ENOSF1: variants seen among roughly 807,000 people sequenced by gnomAD.
ENOSF1 encodes enolase superfamily member 1.
A neutral mutation model predicts 68.2 loss-of-function variants in ENOSF1; 73 were observed. That is an observed-to-expected ratio of 1.07 (90% CI 0.89 to 1.30). The LOEUF (loss-of-function observed/expected upper bound fraction) is 1.30. ENOSF1 is among the 50% of genes most tolerant of loss of function. The pLI is 0.00. For missense variants in ENOSF1, 589 were observed against 554.5 expected (o/e 1.06, Z -0.62); for synonymous variants, 223 against 210.4 (o/e 1.06, Z -0.52).
Position 691,395 on chromosome 18 carries a change from G to A in ENOSF1, c.424-119C>T. ...AGGTCTCACTCTGTTGCCCAGGCTGGAGTGCAGTGATGCCATCATAGCTCA... is the reference window on the plus strand; with the variant it reads ...AGGTCTCACTCTGTTGCCCAGGCTGAAGTGCAGTGATGCCATCATAGCTCA... On this transcript the variant is annotated intron_variant, in intron 5 of 15. Transcript: ENST00000647584. 3 of 784,230 alleles carry A rather than the reference G, an allele frequency of 3.8e-6. No individual in the cohort carries two copies. The South Asian group carries it at 5.4e-5, about 14-fold the overall frequency. The allele number at this position is 784,230 out of a possible 1,614,324, so 48.6% of individuals were successfully genotyped here. A position where few individuals can be genotyped will look rare whatever the true frequency, so the allele number is the denominator to read the frequency against.
At chr18:669,758 C>T, downstream of ENOSF1, among the ~76,000 whole-genome samples, 1 of 148,672 alleles carries the variant, frequency 6.7e-6, no homozygotes, top group South Asian at 2.1e-4. Context: ...AGCTCGCTGC[C>T]ACCTCACTAA....
At position 693,910 on chromosome 18, in the gene ENOSF1, T is replaced by A; in HGVS notation, c.397-2A>T. On this transcript the variant is annotated splice_acceptor_variant, in intron 4 of 15. Transcript: ENST00000647584. LOFTEE classifies it high-confidence loss of function. ...GTCCACAAGTAACTTCCAGACAGGCTTGAAGTAAAAAAGAAAGGATTTGTA... is the reference window on the plus strand; with the variant it reads ...GTCCACAAGTAACTTCCAGACAGGCATGAAGTAAAAAAGAAAGGATTTGTA... The A allele has an allele frequency of 6.2e-7, 1 of 1,614,024 alleles. No homozygotes were observed. Among genetic ancestry groups the A allele is most frequent in the South Asian group, 1.1e-5 (1 of 91,024 alleles).
chr18:704,239 C>T (rs1263977148), intron 2 of ENOSF1, among the ~76,000 whole-genome samples: 1 of 151,728 alleles, frequency 6.6e-6, no homozygotes, highest in Non-Finnish European at 1.5e-5. Flanking sequence ...ACCGGCCTGA[C>T]CAAACATGGT....
At chr18:678,781 A>C (rs751965209) in intron 11 of ENOSF1, 44 bp from the exon 12 acceptor site, 4 of 1,591,966 alleles carry the variant, frequency 2.5e-6, no homozygotes, top group East Asian at 4.5e-5. Context: ...CTAAGTTTTG[A>C]ACTGCAACTC....
intron 5 of ENOSF1, chr18:693,236 T>C: frequency 2.3e-6 from 3 of 1,289,106 alleles, no homozygotes; most frequent in South Asian, 2.5e-5. Flanking sequence ...GAATTCAGTG[T>C]TGAGCTCCTT....
chr18:677,601 G>T, intron 13 of ENOSF1, 142 bp downstream of exon 13: 1 of 1,311,170 alleles, frequency 7.6e-7, no homozygotes, highest in Non-Finnish European at 1.0e-6. Flanking sequence ...AAAAATTCCC[G>T]GATTAAAGCT....
downstream of ENOSF1, chr18:668,933 C>T (rs964724579): frequency 3.3e-6 from 2 of 608,312 alleles, no homozygotes; most frequent in Admixed American, 5.8e-5. Context: ...GCAAACTTTG[C>T]AGGATGCACC....
chr18:678,566 AGAT>A, intron 12 of ENOSF1, 127 bp downstream of exon 12: 2 of 893,124 alleles, frequency 2.2e-6, no homozygotes, highest in South Asian at 1.5e-5. Flanking sequence ...CCAGTTTCTA[AGAT>A]GATGAAAATT....
At chr18:706,134 G>T (rs866351488) in intron 2 of ENOSF1, among the ~76,000 whole-genome samples, 22 of 152,178 alleles carry the variant, frequency 1.4e-4, no homozygotes, top group African/African-American at 5.3e-4. Flanking sequence ...CCCACTACAG[G>T]TTGTCAAAGC....
chr18:675,309 G>C lies in ENOSF1; in HGVS notation c.1230+12C>G, dbSNP rs898760269. The C allele has an allele frequency of 6.2e-7, 1 of 1,605,998 alleles. No individual in the cohort carries two copies. Among genetic ancestry groups the C allele is most frequent in the Non-Finnish European group, 8.5e-7 (1 of 1,176,708 alleles). ...GCATCTCTTCTACAGGGGCCCTCAG[G>C]CCACAGCTTACCTTGGGAGGCATGT... On this transcript the variant is annotated intron_variant, in intron 15 of 15. Coordinates refer to ENST00000647584, the MANE Select transcript of ENOSF1 (RefSeq NM_017512.7).
At chr18:684,653 A>T (rs552417487) in intron 10 of ENOSF1, among the ~76,000 whole-genome samples, 1 of 152,182 alleles carries the variant, frequency 6.6e-6, no homozygotes, top group African/African-American at 2.4e-5. Flanking sequence ...TGGTGAGTTC[A>T]AGTCCAGTCC....
At chr18:693,336 T>C in intron 5 of ENOSF1, 2 of 1,206,234 alleles carry the variant, frequency 1.7e-6, no homozygotes, top group Non-Finnish European at 2.1e-6. Context: ...TTTTTTCTTT[T>C]TTTGAGACAG....
downstream of ENOSF1, among the ~76,000 whole-genome samples, chr18:669,869 A>G (rs1342764292): frequency 6.6e-6 from 1 of 151,824 alleles, no homozygotes; most frequent in East Asian, 2.0e-4. Flanking sequence ...GGCCAAGGCG[A>G]GAGGATCATT....
chr18:703,069 A>C (rs1328041230), intron 2 of ENOSF1, among the ~76,000 whole-genome samples: 1 of 152,206 alleles, frequency 6.6e-6, no homozygotes, highest in Non-Finnish European at 1.5e-5. Context: ...ATATGTAGCA[A>C]GGTTAAAGTT....
chr18:688,676 T>C, intron 8 of ENOSF1, 68 bp from the exon 9 acceptor site: 1 of 1,387,082 alleles, frequency 7.2e-7, no homozygotes, highest in Non-Finnish European at 1.0e-6. Context: ...AGTCAGTCAT[T>C]GCTGATCTGT....
chr18:690,436 C>T (rs2847614), intron 8 of ENOSF1, 113 bp downstream of exon 8: 407,079 of 1,191,252 alleles, frequency 0.34, 72,909 homozygotes, highest in Non-Finnish European at 0.37. Flanking sequence ...AGGAAAACCA[C>T]ACACATCTGG....
intron 2 of ENOSF1, among the ~76,000 whole-genome samples, chr18:702,557 A>G (rs1027001698): frequency 6.6e-6 from 1 of 152,014 alleles, no homozygotes. Context: ...CCTGGGCAAC[A>G]GAGCGAGACT....
intron 2 of ENOSF1, 68 bp from the exon 3 acceptor site, chr18:697,423 A>T (rs1256342481): frequency 7.8e-6 from 9 of 1,150,540 alleles, no homozygotes; most frequent in Non-Finnish European, 1.2e-5. Context: ...ACCTGAAAAC[A>T]TCACAAACAA....
At chr18:694,044 C>T (rs914846679) in intron 4 of ENOSF1, 136 bp from the exon 5 acceptor site, 5 of 1,077,762 alleles carry the variant, frequency 4.6e-6, no homozygotes, top group African/African-American at 1.6e-5. Context: ...GCTGCCTGCG[C>T]CTTCCGCCAT....
Sources: gnomAD v4.1 joint callset for allele counts (sites outside exome capture counted in the v4.1 genomes callset) on GRCh38, gnomAD v4.1.1 for gene constraint, MANE v1.5 for transcripts, NCBI Gene and HGNC (gene_info 2026-07-23, HGNC 2026-07-21) for gene names.